Variants in KCNMA1 observed in about 807,000 individuals in gnomAD.
KCNMA1 encodes potassium calcium-activated channel subfamily M alpha 1, also known as Calcium-activated potassium channel subunit alpha-1.
In KCNMA1, 29 loss-of-function variants were observed where a neutral mutation model predicts 140.0. The ratio of observed to expected loss-of-function variants is 0.21; its 90% CI spans 0.15 to 0.28. The LOEUF (loss-of-function observed/expected upper bound fraction) is 0.28. Among genes scored for constraint, KCNMA1 ranks in the 10% least tolerant of loss-of-function variants. The pLI is 1.00. For missense variants in KCNMA1, 880 were observed against 1,602.2 expected (o/e 0.55, Z 7.70); for synonymous variants, 612 against 611.9 (o/e 1.00, Z 0.00).
At chr10:77,080,508 T>C (rs2258870) in intron 12 of KCNMA1, among the ~76,000 whole-genome samples, 5,745 of 152,216 alleles carry the variant, frequency 0.038, 420 homozygotes, top group East Asian at 0.23. Context: ...TTGCAGACAC[T>C]GGGCCAGGTT....
chr10:77,607,835 T>C (rs564279438), intron 1 of KCNMA1, among the ~76,000 whole-genome samples: 1 of 152,288 alleles, frequency 6.6e-6, no homozygotes, highest in Admixed American at 6.5e-5. Flanking sequence ...GGCACTATGT[T>C]TGTGGTCGTT....
chr10:77,357,693 A>G (rs138727885), intron 2 of KCNMA1, among the ~76,000 whole-genome samples: 23 of 152,358 alleles, frequency 1.5e-4, no homozygotes, highest in African/African-American at 5.0e-4. Flanking sequence ...TGTCTTTCTT[A>G]AACTTCAGTT....
intron 19 of KCNMA1, chr10:76,975,309 A>T (rs554272204): frequency 1.3e-5 from 2 of 152,298 alleles, no homozygotes; most frequent in East Asian, 3.9e-4. Context: ...GTGCAAGTTA[A>T]CTCTCAAAGT....
chr10:77,232,567 G>A (rs1210229290), intron 3 of KCNMA1, among the ~76,000 whole-genome samples: 1 of 152,180 alleles, frequency 6.6e-6, no homozygotes, highest in East Asian at 1.9e-4. Flanking sequence ...TCTTTAGAGA[G>A]AGATGTATTC....
At chr10:77,466,845 G>T (rs1603626543) in intron 1 of KCNMA1, among the ~76,000 whole-genome samples, 1 of 149,342 alleles carries the variant, frequency 6.7e-6, no homozygotes, top group Non-Finnish European at 1.5e-5. Context: ...AGGGAGGCAG[G>T]TTATCACCTT....
intron 1 of KCNMA1, among the ~76,000 whole-genome samples, chr10:77,432,772 A>C (rs1260031290): frequency 6.6e-6 from 1 of 152,202 alleles, no homozygotes; most frequent in Non-Finnish European, 1.5e-5. Context: ...CAAATCATTA[A>C]ACTTTCAACT....
At position 77,162,064 on chromosome 10, in the gene KCNMA1, T is replaced by G. The variant is rs563675466; in HGVS notation, c.808+21357A>C. On this transcript the variant is annotated intron_variant, in intron 5 of 27. Coordinates refer to ENST00000286628, the MANE Select transcript of KCNMA1 (RefSeq NM_001161352.2). ...TCCTAGATATCAAGAAGCACACTGA[T>G]TCTAGTTAAGTAGTTATTACTTTGA... Among the ~76,000 whole-genome samples the G allele has an allele frequency of 2.0e-4, 30 of 152,344 alleles. 1 individual carries two copies. Among genetic ancestry groups the G allele is most frequent in the African/African-American group, 6.3e-4 (26 of 41,586 alleles).
chr10:77,359,074 C>A (rs191764370), intron 2 of KCNMA1, among the ~76,000 whole-genome samples: 1 of 152,164 alleles, frequency 6.6e-6, no homozygotes, highest in East Asian at 1.9e-4. Flanking sequence ...TAAGGCACTT[C>A]CTGCAGAGAT....
At chr10:77,607,019 C>T (rs992121322) in intron 1 of KCNMA1, among the ~76,000 whole-genome samples, 1 of 152,214 alleles carries the variant, frequency 6.6e-6, no homozygotes, top group African/African-American at 2.4e-5. Context: ...CCCAACTAGA[C>T]AGACCAGAAG....
intron 7 of KCNMA1, 42 bp from the exon 8 acceptor site, chr10:77,110,385 A>G (rs1293387665): frequency 2.0e-6 from 3 of 1,537,972 alleles, no homozygotes; most frequent in Non-Finnish European, 1.8e-6. Flanking sequence ...AAAACATGCT[A>G]TTGAAGTGTA....
chr10:76,881,142 C>A (rs1181919454), downstream of KCNMA1, among the ~76,000 whole-genome samples: 4 of 152,142 alleles, frequency 2.6e-5, no homozygotes, highest in African/African-American at 9.7e-5. Context: ...TGTCACCTAT[C>A]AAGACCAGCT....
chr10:76,975,700 G>A (rs1386446784), intron 19 of KCNMA1, among the ~76,000 whole-genome samples: 1 of 152,206 alleles, frequency 6.6e-6, no homozygotes, highest in Non-Finnish European at 1.5e-5. Flanking sequence ...TCCTTGGAAT[G>A]AGAGTTTCTT....
At chr10:77,132,522 A>T (rs934324276) in intron 5 of KCNMA1, among the ~76,000 whole-genome samples, 4 of 138,422 alleles carry the variant, frequency 2.9e-5, no homozygotes, top group Non-Finnish European at 6.2e-5. Context: ...AGCAGGTTAA[A>T]TTTTTTTTTT....
intron 2 of KCNMA1, among the ~76,000 whole-genome samples, chr10:77,276,739 C>T (rs1421345011): frequency 2.0e-5 from 3 of 152,036 alleles, no homozygotes; most frequent in Non-Finnish European, 2.9e-5. Flanking sequence ...ACTAATCACA[C>T]AATATATTTA....
intron 5 of KCNMA1, among the ~76,000 whole-genome samples, chr10:77,144,356 T>C (rs1017761363): frequency 1.3e-5 from 2 of 152,128 alleles, no homozygotes; most frequent in African/African-American, 4.8e-5. Flanking sequence ...CATACAAAAA[T>C]TGAGAGCAGA....
intron 25 of KCNMA1, among the ~76,000 whole-genome samples, chr10:76,892,973 G>A (rs556237342): frequency 6.6e-6 from 1 of 152,264 alleles, no homozygotes; most frequent in African/African-American, 2.4e-5. Context: ...TAGCCTGCCA[G>A]ACCCTAAAGG....
At chr10:77,413,154 C>G (rs1007894637) in intron 1 of KCNMA1, among the ~76,000 whole-genome samples, 1 of 152,086 alleles carries the variant, frequency 6.6e-6, no homozygotes, top group Non-Finnish European at 1.5e-5. Context: ...CCACCTCGCC[C>G]GGCCCCATGT....
intron 1 of KCNMA1, among the ~76,000 whole-genome samples, chr10:77,601,113 G>C (rs1196448288): frequency 2.6e-5 from 4 of 152,160 alleles, no homozygotes; most frequent in Non-Finnish European, 2.9e-5. Context: ...GGCTTTTACG[G>C]TCAGCCCTTG....
chr10:76,964,491 A>T (rs2073070490), intron 20 of KCNMA1, among the ~76,000 whole-genome samples: 1 of 152,082 alleles, frequency 6.6e-6, no homozygotes, highest in African/African-American at 2.4e-5. Context: ...TGGTCCACCC[A>T]AGCCTCAGTA....
Sources: allele counts gnomAD v4.1 joint callset (sites outside exome capture counted in the v4.1 genomes callset), GRCh38; gene constraint gnomAD v4.1.1; transcripts MANE v1.5; gene names NCBI Gene and HGNC (gene_info 2026-07-23, HGNC 2026-07-21).